Variants in CNOT6 observed in about 807,000 individuals in gnomAD.
CNOT6 encodes CCR4-NOT transcription complex subunit 6, also known as carbon catabolite repression 4 protein.
CNOT6 carries 12 observed loss-of-function variants against 61.2 expected under a neutral mutation model. That is an observed-to-expected ratio of 0.20 (90% CI 0.13 to 0.32). The LOEUF is 0.32. Among genes scored for constraint, CNOT6 ranks in the 10% least tolerant of loss-of-function variants. CNOT6 has a pLI of 1.00. For synonymous variants in CNOT6, 225 were observed against 240.6 expected (o/e 0.94, Z 0.60); for missense variants, 405 against 663.9 (o/e 0.61, Z 4.28).
At chr5:180,537,962 C>T (rs1050784856) in intron 2 of CNOT6, among the ~76,000 whole-genome samples, 1 of 151,724 alleles carries the variant, frequency 6.6e-6, no homozygotes, top group Non-Finnish European at 1.5e-5. Flanking sequence ...TCACACCAGA[C>T]CCAGCACTTT....
intron 1 of CNOT6, among the ~76,000 whole-genome samples, chr5:180,526,486 G>C (rs1336963242): frequency 6.6e-6 from 1 of 152,174 alleles, no homozygotes; most frequent in East Asian, 1.9e-4. Flanking sequence ...CTGGCATTCT[G>C]TTTCACTGCG....
At chr5:180,553,537 A>G (rs1165568637) in intron 4 of CNOT6, 66 bp downstream of exon 4, 13 of 1,205,482 alleles carry the variant, frequency 1.1e-5, no homozygotes, top group Non-Finnish European at 1.5e-5. Flanking sequence ...AGAAGCCAAG[A>G]AGCTTTCTGC....
intron 1 of CNOT6, among the ~76,000 whole-genome samples, chr5:180,500,444 T>TTCTTTC (rs1554095819): frequency 6.8e-6 from 1 of 147,994 alleles, no homozygotes. Flanking sequence ...TTCTTTTCTT[T>TTCTTTC]TTTTTTTTTT....
At position 180,529,256 on chromosome 5, in the gene CNOT6, T is replaced by G. The variant is rs746944384; in HGVS notation, c.-2-19T>G. On this transcript the variant is annotated intron_variant, in intron 1 of 11. Transcript: ENST00000261951. ...TTATTTGATTTTTTAGAATACTGATTGGTTTCTTTTCTTAACAGGCATGCC... is the reference window on the plus strand; with the variant it reads ...TTATTTGATTTTTTAGAATACTGATGGGTTTCTTTTCTTAACAGGCATGCC... 4.5e-6 allele frequency: 6 copies of G among 1,328,950 alleles called. No homozygotes were observed. The highest frequency in any genetic ancestry group is 6.5e-6 in the Non-Finnish European group (6 of 927,468). 82.3% of individuals were successfully genotyped at this position (1,328,950 alleles called of 1,614,324 possible).
rs576745553 is a variant in CNOT6, at chr5:180,574,397, C to T, written c.*197C>T. 1 of 597,988 alleles carries T rather than the reference C, an allele frequency of 1.7e-6. No homozygotes were observed. The highest frequency in any genetic ancestry group is 2.0e-5 in the South Asian group (1 of 50,244). 37.0% of individuals were successfully genotyped at this position (597,988 alleles called of 1,614,324 possible). A position where few individuals can be genotyped will look rare whatever the true frequency, so the allele number is the denominator to read the frequency against. On this transcript the variant is annotated 3_prime_UTR_variant, in exon 12 of 12. Coordinates refer to ENST00000261951, the MANE Select transcript of CNOT6 (RefSeq NM_001370472.1). ...AATTCTGAGCCCAATATGCTTTATA[C>T]TGCTAGACAGGGATTGGTGTGTTTG...
At chr5:180,547,555 G>T (rs1258758663) in intron 2 of CNOT6, among the ~76,000 whole-genome samples, 1 of 151,976 alleles carries the variant, frequency 6.6e-6, no homozygotes, top group Non-Finnish European at 1.5e-5. Flanking sequence ...GTGCTCCTCT[G>T]TCAGTCTCTC....
chr5:180,514,961 T>C (rs1757565101), intron 1 of CNOT6, among the ~76,000 whole-genome samples: 1 of 152,172 alleles, frequency 6.6e-6, no homozygotes, highest in African/African-American at 2.4e-5. Flanking sequence ...ATATATGCTG[T>C]GGTAAACGTA....
At chr5:180,552,366 AC>A (rs1759649669) in intron 3 of CNOT6, among the ~76,000 whole-genome samples, 14 of 151,410 alleles carry the variant, frequency 9.2e-5, no homozygotes, top group Admixed American at 9.2e-4. Flanking sequence ...TAGGCTGGGC[AC>A]GATGGCTCAA....
intron 11 of CNOT6, 128 bp downstream of exon 11, chr5:180,571,560 A>G: frequency 1.4e-6 from 1 of 693,150 alleles, no homozygotes; most frequent in East Asian, 2.7e-5. Context: ...ATTCATTGAC[A>G]GCAATGTTCT....
At chr5:180,569,495 G>T (rs1481379116) in intron 10 of CNOT6, among the ~76,000 whole-genome samples, 155 bp downstream of exon 10, 1 of 152,162 alleles carries the variant, frequency 6.6e-6, no homozygotes, top group Non-Finnish European at 1.5e-5. Context: ...GGGTGGAGGG[G>T]CCATTTTGAA....
intron 2 of CNOT6, among the ~76,000 whole-genome samples, chr5:180,547,926 G>A (rs1400277011): frequency 6.6e-6 from 1 of 152,084 alleles, no homozygotes; most frequent in Non-Finnish European, 1.5e-5. Context: ...CAGAGATGGG[G>A]TTTCACCGTG....
intron 2 of CNOT6, chr5:180,534,353 A>C (rs1194598203): frequency 5.5e-6 from 1 of 181,418 alleles, no homozygotes; most frequent in African/African-American, 2.4e-5. Flanking sequence ...CATTGTCGAT[A>C]ATGGAGGTGA....
chr5:180,545,840 G>A (rs1195933496), intron 2 of CNOT6, among the ~76,000 whole-genome samples: 1 of 152,070 alleles, frequency 6.6e-6, no homozygotes, highest in Admixed American at 6.6e-5. Context: ...ACCAACACAA[G>A]TCTTAAATTT....
At chr5:180,573,469 G>C (rs188741840) in intron 11 of CNOT6, among the ~76,000 whole-genome samples, 1 of 151,970 alleles carries the variant, frequency 6.6e-6, no homozygotes. Flanking sequence ...GAAAGCAGTT[G>C]AACCTGACAT....
rs1445311530 is a variant in CNOT6, at chr5:180,549,855, T to A, written c.113-76T>A. 3 of 1,141,680 alleles carry A rather than the reference T, an allele frequency of 2.6e-6. No homozygotes were observed. In the East Asian group the frequency reaches 7.1e-5, roughly 27 times the overall value. The allele number at this position is 1,141,680 out of a possible 1,614,324, so 70.7% of individuals were successfully genotyped here. A position where few individuals can be genotyped will look rare whatever the true frequency, so the allele number is the denominator to read the frequency against. ...AATTTAAGTTACTCATAAAAACATC[T>A]AAATCTTACTGAAATCTACAGAACA... On this transcript the variant is annotated intron_variant, in intron 2 of 11. Transcript: ENST00000261951.
At position 180,529,281 on chromosome 5, in the gene CNOT6, C is replaced by T. The variant is rs772817399; in HGVS notation, c.5C>T (p.Pro2Leu). 16 of 1,596,612 alleles carry T rather than the reference C, an allele frequency of 1.0e-5. No individual in the cohort carries two copies. Among genetic ancestry groups the T allele is most frequent in the Middle Eastern group, 1.7e-4 (1 of 6,056 alleles). M[P>L]KEKYEPPDPR... ...TGGTTTCTTTTCTTAACAGGCATGC[C>T]CAAAGAAAAATACGAGCCCCCTGAC... is the stretch of plus-strand genomic sequence containing the variant. The change falls in exon 2 of 12, where the codon CCC (proline) becomes CTC (leucine). Residue 2 changes from proline to leucine, a missense_variant. Pro to Leu is a moderately conservative substitution (Grantham distance 98, BLOSUM62 -3). This residue lies in a region of CNOT6 where 212 missense variants were observed against 307.1 expected (regional missense o/e 0.69). Coordinates refer to ENST00000261951, the MANE Select transcript of CNOT6 (RefSeq NM_001370472.1).
Position 180,574,195 on chromosome 5 carries a change from A to C in CNOT6, c.1669A>C (p.Arg557=). The change falls in exon 12 of 12, where the codon AGG becomes CGG. Residue 557 remains arginine (R), a synonymous_variant. Transcript: ENST00000261951. ...QVNGIHLPGR[R] ...CAACGGCATCCACCTTCCTGGCAGG[A>C]GGTAGTCAAGCACCTTCAGAGGACA... 6.2e-7 allele frequency: 1 copy of C among 1,612,622 alleles called. No individual in the cohort carries two copies. The highest frequency in any genetic ancestry group is 8.5e-7 in the Non-Finnish European group (1 of 1,179,042).
intron 1 of CNOT6, among the ~76,000 whole-genome samples, chr5:180,497,242 G>T (rs1756650404): frequency 6.6e-6 from 1 of 150,736 alleles, no homozygotes; most frequent in Non-Finnish European, 1.5e-5. Flanking sequence ...TGGGAGAATG[G>T]CTTGAACCTG....
In CNOT6 at chr5:180,542,224, T is replaced by TTTGCTGAGCTC. The variant is rs569061694; in HGVS notation, c.113-7706_113-7696dup. On this transcript the variant is annotated intron_variant, in intron 2 of 11. Transcript: ENST00000261951. ...TGTGCTGCTTAGGTTTTGCTGAGGT[T>TTTGCTGAGCTC]TTGCTGAGCTCGTCGGCTCTGGGTT... Among the ~76,000 whole-genome samples, 108 of 143,498 alleles carry TTTGCTGAGCTC rather than the reference T, an allele frequency of 7.5e-4. No individual in the cohort carries two copies. In the South Asian group the frequency reaches 8.7e-3, roughly 12 times the overall value. 94.1% of individuals were successfully genotyped at this position (143,498 alleles called of 152,430 possible).
Sources: gnomAD v4.1 joint callset for allele counts (sites outside exome capture counted in the v4.1 genomes callset) on GRCh38, gnomAD v4.1.1 for gene constraint, gnomAD v4.1.1 regional missense constraint, MANE v1.5 for transcripts, NCBI Gene and HGNC (gene_info 2026-07-23, HGNC 2026-07-21) for gene names.